The following SNTB1 variants were observed in gnomAD, a reference collection of about 807,000 sequenced individuals.
SNTB1 encodes the protein beta-1-syntrophin.
A neutral mutation model predicts 48.9 loss-of-function variants in SNTB1; 36 were observed. That is an observed-to-expected ratio of 0.74 (90% CI 0.56 to 0.97). The LOEUF (loss-of-function observed/expected upper bound fraction) is 0.97, where lower values mean the gene tolerates loss of function less well. SNTB1 is among the 50% of genes least tolerant of loss of function. SNTB1 has a pLI of 0.00. For missense variants in SNTB1, 786 were observed against 703.4 expected (o/e 1.12, Z -1.33); for synonymous variants, 299 against 294.6 (o/e 1.01, Z -0.15).
At chr8:120,614,757 T>G (rs1440848149) in intron 3 of SNTB1, among the ~76,000 whole-genome samples, 3 of 152,174 alleles carry the variant, frequency 2.0e-5, no homozygotes, top group African/African-American at 7.2e-5. Context: ...GAGGGATTTT[T>G]TTTTAATTTG....
At chr8:120,792,077 C>CAT (rs971050173) in intron 1 of SNTB1, among the ~76,000 whole-genome samples, 6 of 150,704 alleles carry the variant, frequency 4.0e-5, no homozygotes, top group African/African-American at 9.7e-5. Context: ...GGGTACCACT[C>CAT]ATATATATAT....
chr8:120,810,856 G>C (rs1820413698), intron 1 of SNTB1, among the ~76,000 whole-genome samples: 1 of 152,132 alleles, frequency 6.6e-6, no homozygotes, highest in African/African-American at 2.4e-5. Context: ...TTACGCAGTA[G>C]CCCTGCTTGG....
In SNTB1 at chr8:120,548,917, C is replaced by T; in HGVS notation, c.1178G>A (p.Gly393Asp). ...SGPGKGSPQA[G>D]VDLSFATRTG... ...TCGCGTTGCAAAGGACAGATCCACA[C>T]CAGCCTGGGGTGATCCCTTTCCTGG... The change falls in exon 5 of 7, where the codon GGT (glycine) becomes GAT (aspartate). Residue 393 changes from glycine (G) to aspartate (D), a missense_variant. Coordinates refer to ENST00000517992, the MANE Select transcript of SNTB1 (RefSeq NM_021021.4). The T allele has an allele frequency of 6.2e-7, 1 of 1,607,926 alleles. No individual in the cohort carries two copies. The highest frequency in any genetic ancestry group is 1.1e-5 in the South Asian group (1 of 89,734).
intron 1 of SNTB1, among the ~76,000 whole-genome samples, chr8:120,734,222 T>C (rs1397589549): frequency 6.6e-6 from 1 of 152,110 alleles, no homozygotes; most frequent in East Asian, 1.9e-4. Context: ...GGTGGGCAGA[T>C]CACCTGAGGT....
chr8:120,799,297 A>C (rs1563606288), intron 1 of SNTB1, among the ~76,000 whole-genome samples: 1 of 152,028 alleles, frequency 6.6e-6, no homozygotes, highest in Admixed American at 6.6e-5. Flanking sequence ...CAAATCTCAA[A>C]ATAGATGAAA....
chr8:120,662,176 C>T (rs1048396511), intron 2 of SNTB1, among the ~76,000 whole-genome samples: 1 of 152,150 alleles, frequency 6.6e-6, no homozygotes, highest in Non-Finnish European at 1.5e-5. Context: ...AATAAATCAG[C>T]TACCCACAAA....
At chr8:120,781,133 G>A (rs1819825082) in intron 1 of SNTB1, among the ~76,000 whole-genome samples, 3 of 152,206 alleles carry the variant, frequency 2.0e-5, no homozygotes, top group Non-Finnish European at 4.4e-5. Flanking sequence ...GGGAATGTCT[G>A]CTGAATCAGT....
intron 1 of SNTB1, among the ~76,000 whole-genome samples, chr8:120,808,768 C>A (rs1193081159): frequency 2.6e-5 from 4 of 152,078 alleles, no homozygotes; most frequent in Non-Finnish European, 4.4e-5. Flanking sequence ...CAGGGTGTTC[C>A]ACTTGTAGAG....
At chr8:120,776,929 A>G (rs967887949) in intron 1 of SNTB1, 3 of 152,220 alleles carry the variant, frequency 2.0e-5, no homozygotes, top group African/African-American at 7.2e-5. Flanking sequence ...GTTGGCCAGA[A>G]CCCAAAAAAT....
In SNTB1 at chr8:120,602,087, G is replaced by T. The variant is rs182131186; in HGVS notation, c.997-26862C>A. 4.9e-3 allele frequency among the ~76,000 whole-genome samples: 751 copies of T among 152,288 alleles called. 13 individuals are homozygous for T. Among genetic ancestry groups the T allele is most frequent in the Admixed American group, 3.9e-3 (60 of 15,304 alleles). Reference sequence around the variant, plus strand: ...CCAAAAGTACTAAAGCAGCCTTTTTGTTTGTTTTGTTTATTTCATAAAGTT... The same window carrying T: ...CCAAAAGTACTAAAGCAGCCTTTTTTTTTGTTTTGTTTATTTCATAAAGTT... On this transcript the variant is annotated intron_variant, in intron 3 of 6. Coordinates refer to ENST00000517992, the MANE Select transcript of SNTB1 (RefSeq NM_021021.4).
chr8:120,723,045 C>T (rs1450826608), intron 1 of SNTB1, among the ~76,000 whole-genome samples: 2 of 152,082 alleles, frequency 1.3e-5, no homozygotes, highest in African/African-American at 4.8e-5. Flanking sequence ...TTGTTTTTGT[C>T]AGGTTTGTCA....
At chr8:120,763,594 T>A (rs779079229) in intron 1 of SNTB1, among the ~76,000 whole-genome samples, 2 of 152,014 alleles carry the variant, frequency 1.3e-5, no homozygotes, top group Admixed American at 6.6e-5. Context: ...AGTTAAAAAA[T>A]TTTTTCTGCA....
chr8:120,783,353 A>G (rs898037441), intron 1 of SNTB1, among the ~76,000 whole-genome samples: 1 of 152,122 alleles, frequency 6.6e-6, no homozygotes, highest in African/African-American at 2.4e-5. Flanking sequence ...TGGACTTGGA[A>G]TGCATTGTTT....
At chr8:120,636,241 T>A (rs569350307) in intron 2 of SNTB1, among the ~76,000 whole-genome samples, 1 of 152,068 alleles carries the variant, frequency 6.6e-6, no homozygotes, top group East Asian at 1.9e-4. Context: ...CTTCTTTTTT[T>A]TTATTTTTTT....
intron 3 of SNTB1, among the ~76,000 whole-genome samples, chr8:120,586,961 C>T (rs1267353130): frequency 1.3e-5 from 2 of 152,170 alleles, no homozygotes; most frequent in African/African-American, 4.8e-5. Flanking sequence ...TGGCTCACAC[C>T]TATAATCCCA....
chr8:120,762,976 T>C (rs772999364), intron 1 of SNTB1, among the ~76,000 whole-genome samples: 10 of 152,208 alleles, frequency 6.6e-5, no homozygotes, highest in Non-Finnish European at 1.5e-4. Context: ...ACTATCTCCA[T>C]TTTAAAGATG....
At position 120,537,063 on chromosome 8, in the gene SNTB1, T is replaced by C. The variant is rs1815213671; in HGVS notation, c.*1814A>G. The C allele has an allele frequency of 6.6e-6, 1 of 151,812 alleles. No homozygotes were observed. The highest frequency in any genetic ancestry group is 1.5e-5 in the Non-Finnish European group (1 of 67,972). 9.4% of individuals were successfully genotyped at this position (151,812 alleles called of 1,614,324 possible). ...CAAAGCTTTTCTATGGTATTCAAAC[T>C]GGGACTTGACTTTTCAGCATTTGAA... On this transcript the variant is annotated 3_prime_UTR_variant, in exon 7 of 7. Transcript: ENST00000517992.
rs927556858 is a variant in SNTB1 at position 120,658,035 on chromosome 8, C to T, written c.789-25384G>A. On this transcript the variant is annotated intron_variant, in intron 2 of 6. Coordinates refer to ENST00000517992, the MANE Select transcript of SNTB1 (RefSeq NM_021021.4). ...AGTTAGCAGTGCTTCAACATAATAA[C>T]AGTACTTCACCATTACCAAAATATC... Among the ~76,000 whole-genome samples, 6 of 152,288 alleles carry T rather than the reference C, an allele frequency of 3.9e-5. No individual in the cohort carries two copies. In the East Asian group the frequency reaches 1.2e-3, roughly 29 times the overall value.
intron 1 of SNTB1, among the ~76,000 whole-genome samples, chr8:120,784,355 GAA>G (rs1359801655): frequency 1.3e-5 from 2 of 151,894 alleles, no homozygotes; most frequent in Non-Finnish European, 2.9e-5. Context: ...GGGAGTCTTG[GAA>G]CCAATCCACC....
Sources: allele counts gnomAD v4.1 joint callset (sites outside exome capture counted in the v4.1 genomes callset), GRCh38; gene constraint gnomAD v4.1.1; transcripts MANE v1.5; gene names NCBI Gene and HGNC (gene_info 2026-07-23, HGNC 2026-07-21).